The following GRIN2A variants were observed in gnomAD, a reference collection of about 807,000 sequenced individuals.
GRIN2A encodes glutamate ionotropic receptor NMDA type subunit 2A, also known as glutamate receptor ionotropic, NMDA 2A.
Under a neutral mutation model 113.4 loss-of-function variants are expected in GRIN2A, and 22 were observed. The ratio of observed to expected loss-of-function variants is 0.19; its 90% CI spans 0.14 to 0.28. The LOEUF is 0.28. Among genes scored for constraint, GRIN2A ranks in the 10% least tolerant of loss-of-function variants. The pLI, the probability that GRIN2A is intolerant of heterozygous loss-of-function variation, is 1.00. For missense variants in GRIN2A, 1,502 were observed against 1,887.0 expected (o/e 0.80, Z 3.78); for synonymous variants, 827 against 738.4 (o/e 1.12, Z -1.94).
At chr16:10,147,321 A>G (rs1172489816) in intron 2 of GRIN2A, among the ~76,000 whole-genome samples, 1 of 152,010 alleles carries the variant, frequency 6.6e-6, no homozygotes, top group African/African-American at 2.4e-5. Flanking sequence ...AGAAATGATA[A>G]TGTGAAAGAA....
intron 2 of GRIN2A, among the ~76,000 whole-genome samples, chr16:10,030,929 G>C (rs1239049358): frequency 6.6e-6 from 1 of 152,198 alleles, no homozygotes; most frequent in Admixed American, 6.5e-5. Context: ...AAAGTGAAAA[G>C]TGAAGCTTCT....
intron 3 of GRIN2A, among the ~76,000 whole-genome samples, chr16:9,908,676 C>G (rs2044074287): frequency 6.6e-6 from 1 of 152,166 alleles, no homozygotes. Context: ...GATAATGAAA[C>G]AAAATGGAGT....
At chr16:9,794,104 T>C (rs1902804738) in intron 11 of GRIN2A, among the ~76,000 whole-genome samples, 1 of 152,184 alleles carries the variant, frequency 6.6e-6, no homozygotes. Context: ...AAAGATGCCA[T>C]GGTGCACTCT....
chr16:9,888,443 G>A (rs1011532931), intron 4 of GRIN2A, among the ~76,000 whole-genome samples: 1 of 151,042 alleles, frequency 6.6e-6, no homozygotes. Context: ...AGGTAATTAT[G>A]TGTGCATGCA....
chr16:9,795,058 A>G lies in GRIN2A; in HGVS notation c.2356+3219T>C, dbSNP rs564167908. 3.3e-5 allele frequency among the ~76,000 whole-genome samples: 5 copies of G among 152,200 alleles called. No homozygotes were observed. In the East Asian group the frequency reaches 9.7e-4, roughly 29 times the overall value. ...GGTGATGGTGGTGGTGATGATAATGATAATAATGATATCAGAGGCGTGTGA... is the reference window on the plus strand; with the variant it reads ...GGTGATGGTGGTGGTGATGATAATGGTAATAATGATATCAGAGGCGTGTGA... On this transcript the variant is annotated intron_variant, in intron 11 of 12. Coordinates refer to ENST00000330684, the MANE Select transcript of GRIN2A (RefSeq NM_001134407.3).
At chr16:9,900,831 G>C (rs7201676) in intron 3 of GRIN2A, among the ~76,000 whole-genome samples, 4,484 of 152,198 alleles carry the variant, frequency 0.029, 222 homozygotes, top group African/African-American at 0.1. Context: ...GCTGGCACAA[G>C]AGCCAGTGGA....
intron 4 of GRIN2A, among the ~76,000 whole-genome samples, chr16:9,875,162 C>T (rs2043339817): frequency 6.6e-6 from 1 of 151,804 alleles, no homozygotes; most frequent in Non-Finnish European, 1.5e-5. Context: ...TGCAGCCTCT[C>T]GTCTCTTAAA....
chr16:10,130,778 G>C (rs1015785577), intron 2 of GRIN2A, among the ~76,000 whole-genome samples: 1 of 152,156 alleles, frequency 6.6e-6, no homozygotes, highest in Non-Finnish European at 1.5e-5. Flanking sequence ...TCTTCATTAA[G>C]GGAGTTCGGG....
At chr16:10,116,939 A>C (rs2048739166) in intron 2 of GRIN2A, among the ~76,000 whole-genome samples, 1 of 152,102 alleles carries the variant, frequency 6.6e-6, no homozygotes, top group African/African-American at 2.4e-5. Flanking sequence ...GCTTGAGGTG[A>C]GAAGCCATCA....
chr16:9,833,285 T>C (rs1006214318), intron 8 of GRIN2A, among the ~76,000 whole-genome samples: 9 of 152,240 alleles, frequency 5.9e-5, no homozygotes, highest in African/African-American at 2.2e-4. Flanking sequence ...CAATGCATTT[T>C]ATTTTAGCAC....
At chr16:9,778,542 A>C (rs1901746908) in intron 11 of GRIN2A, among the ~76,000 whole-genome samples, 1 of 152,246 alleles carries the variant, frequency 6.6e-6, no homozygotes, top group Non-Finnish European at 1.5e-5. Flanking sequence ...AAGAAAAAAA[A>C]GGATAGCAAT....
At chr16:9,793,899 A>G (rs1205428932) in intron 11 of GRIN2A, among the ~76,000 whole-genome samples, 1 of 152,228 alleles carries the variant, frequency 6.6e-6, no homozygotes, top group Non-Finnish European at 1.5e-5. Context: ...TTTTAGGATT[A>G]GATATTTTGC....
intron 2 of GRIN2A, among the ~76,000 whole-genome samples, chr16:10,108,312 A>T (rs1596513970): frequency 6.6e-6 from 1 of 152,240 alleles, no homozygotes; most frequent in African/African-American, 2.4e-5. Context: ...ATCTCATGAG[A>T]CCTTATTCAC....
chr16:10,172,624 G>A (rs2050065644), intron 2 of GRIN2A, among the ~76,000 whole-genome samples: 1 of 152,240 alleles, frequency 6.6e-6, no homozygotes, highest in Non-Finnish European at 1.5e-5. Flanking sequence ...GGCAGGTGGG[G>A]TTGGGGGATG....
intron 2 of GRIN2A, among the ~76,000 whole-genome samples, chr16:10,042,041 G>T (rs1302527868): frequency 6.6e-6 from 1 of 152,108 alleles, no homozygotes; most frequent in African/African-American, 2.4e-5. Context: ...CTCCATAAAT[G>T]TTCCTTAGGT....
intron 2 of GRIN2A, among the ~76,000 whole-genome samples, chr16:10,109,903 A>G (rs887147734): frequency 6.6e-6 from 1 of 150,474 alleles, no homozygotes; most frequent in Admixed American, 6.6e-5. Flanking sequence ...ATTTTTTTTA[A>G]TTTTATTATT....
intron 2 of GRIN2A, among the ~76,000 whole-genome samples, chr16:10,096,559 C>CACAT (rs2048294937): frequency 6.6e-6 from 1 of 151,580 alleles, no homozygotes; most frequent in Admixed American, 6.6e-5. Context: ...CACACACACA[C>CACAT]ACACACACAC....
At chr16:9,930,164 G>A (rs1010457592) in intron 3 of GRIN2A, among the ~76,000 whole-genome samples, 1 of 152,140 alleles carries the variant, frequency 6.6e-6, no homozygotes, top group Non-Finnish European at 1.5e-5. Context: ...ACTCTCATGG[G>A]TCCATCAGGC....
chr16:9,995,071 T>C (rs547197922), intron 2 of GRIN2A, among the ~76,000 whole-genome samples: 1 of 152,318 alleles, frequency 6.6e-6, no homozygotes, highest in African/African-American at 2.4e-5. Context: ...CTGTTGGTCC[T>C]TGGTTTCATC....
Sources: allele counts gnomAD v4.1 joint callset (sites outside exome capture counted in the v4.1 genomes callset), GRCh38; gene constraint gnomAD v4.1.1; transcripts MANE v1.5; gene names NCBI Gene and HGNC (gene_info 2026-07-23, HGNC 2026-07-21).